The following ARFGAP2 variants were observed in gnomAD, a reference collection of about 807,000 sequenced individuals.
The protein encoded by ARFGAP2 is ARF GTPase activating protein 2, also known as ADP-ribosylation factor GTPase-activating protein 2.
Under a neutral mutation model 71.9 loss-of-function variants are expected in ARFGAP2, and 45 were observed. The ratio of observed to expected loss-of-function variants is 0.63; its 90% CI spans 0.49 to 0.80. The LOEUF (loss-of-function observed/expected upper bound fraction) is 0.80. Ranked by LOEUF, ARFGAP2 falls within the 30% of genes least tolerant of loss-of-function variation. ARFGAP2 has a pLI of 0.00. For missense variants in ARFGAP2, 633 were observed against 673.9 expected, an observed-to-expected ratio of 0.94 and a Z score of 0.67; for synonymous variants, 248 against 249.2, an observed-to-expected ratio of 1.00 and a Z score of 0.05.
intron 6 of ARFGAP2, 131 bp downstream of exon 6, chr11:47,173,628 A>G (rs1952680826): frequency 1.4e-6 from 2 of 1,415,880 alleles, no homozygotes; most frequent in Non-Finnish European, 1.9e-6. Flanking sequence ...TCCAAGGATT[A>G]AAATGAATCC....
chr11:47,173,464 T>C lies in ARFGAP2; in HGVS notation c.581A>G (p.Asn194Ser). 6.4e-7 allele frequency: 1 copy of C among 1,559,078 alleles called. No individual in the cohort carries two copies. The highest frequency in any genetic ancestry group is 8.7e-7 in the Non-Finnish European group (1 of 1,151,420). ...GGGTGAGGTGCCAAGCAGGTCTGTG[T>C]TGGGGCCATGCTCCGGCTCTGTGGA... ...SGLAQPEHGP[N>S]TDLLGTSPKA... The change falls in exon 7 of 16, where the codon AAC becomes AGC. Residue 194 changes from asparagine (N) to serine (S), a missense_variant. Physicochemically the swap from Asn to Ser is conservative, Grantham distance 46. Coordinates refer to ENST00000524782, the MANE Select transcript of ARFGAP2 (RefSeq NM_032389.6).
In ARFGAP2 at chr11:47,167,976, C is replaced by A. The variant is rs1216656599; in HGVS notation, c.1138G>T (p.Gly380Cys). The A allele has an allele frequency of 5.0e-6, 8 of 1,614,100 alleles. No homozygotes were observed. The East Asian group carries it at 1.8e-4, about 36-fold the overall frequency. Residue 380 changes from glycine to cysteine, a missense_variant, in exon 12 of 16, where the codon GGT becomes TGT. By Grantham distance (159) the Gly-to-Cys change is radical. Coordinates refer to ENST00000524782, the MANE Select transcript of ARFGAP2 (RefSeq NM_032389.6). ...GSRWDTDAAW[G>C]MDRVEEKEPE... ...TCCTTCTCCTCTACCCTGTCCATAC[C>A]CCAGGCAGCATCTGTATCCCAGCGG...
At chr11:47,168,292 G>GGCTA (rs1338471069) in intron 10 of ARFGAP2, 41 bp from the exon 11 acceptor site, 1 of 1,611,750 alleles carries the variant, frequency 6.2e-7, no homozygotes. Context: ...CCAAAGGATA[G>GGCTA]GCATCAGCAT....
In ARFGAP2 at chr11:47,165,405, G is replaced by A; in HGVS notation, c.*77C>T. ...AACAAATCCTCCCCAGCTTCCACAA[G>A]GCAAAGCATCCCCAGCCTGGGAACT... On this transcript the variant is annotated 3_prime_UTR_variant, in exon 16 of 16. Coordinates refer to ENST00000524782, the MANE Select transcript of ARFGAP2 (RefSeq NM_032389.6). 7 of 1,518,938 alleles carry A rather than the reference G, an allele frequency of 4.6e-6. No individual in the cohort carries two copies. Among genetic ancestry groups the A allele is most frequent in the South Asian group, 1.3e-5 (1 of 78,144 alleles). The allele number at this position is 1,518,938 out of a possible 1,614,324, so 94.1% of individuals were successfully genotyped here.
chr11:47,166,451 C>T, intron 14 of ARFGAP2, 55 bp downstream of exon 14: 2 of 1,610,114 alleles, frequency 1.2e-6, no homozygotes, highest in Non-Finnish European at 1.7e-6. Flanking sequence ...CAGCAGGGCC[C>T]TCCCGCCCTG....
At chr11:47,167,791 C>T in intron 12 of ARFGAP2, 118 bp downstream of exon 12, 4 of 1,299,384 alleles carry the variant, frequency 3.1e-6, no homozygotes, top group Non-Finnish European at 4.1e-6. Flanking sequence ...TTAAACAACA[C>T]AGAGAACATT....
intron 8 of ARFGAP2, 120 bp downstream of exon 8, chr11:47,172,161 G>A (rs559482020): frequency 4.4e-5 from 46 of 1,033,956 alleles, no homozygotes; most frequent in Non-Finnish European, 6.1e-5. Flanking sequence ...GGCGAGGTTC[G>A]GAGAAACACA....
chr11:47,173,670 C>T lies in ARFGAP2; in HGVS notation c.562+89G>A, dbSNP rs1952682145. Reference sequence around the variant, plus strand: ...ACCCAAAGATACAGGAGGACCCCTGCTCCTATTGTCATGGCCAGATGTCCC... The same window carrying T: ...ACCCAAAGATACAGGAGGACCCCTGTTCCTATTGTCATGGCCAGATGTCCC... On this transcript the variant is annotated intron_variant, in intron 6 of 15. Coordinates refer to ENST00000524782, the MANE Select transcript of ARFGAP2 (RefSeq NM_032389.6). 2.7e-6 allele frequency: 4 copies of T among 1,487,072 alleles called. No individual in the cohort carries two copies. In the South Asian group the frequency reaches 5.0e-5, roughly 19 times the overall value. The allele number at this position is 1,487,072 out of a possible 1,614,324, so 92.1% of individuals were successfully genotyped here. A position where few individuals can be genotyped will look rare whatever the true frequency, so the allele number is the denominator to read the frequency against.
chr11:47,168,420 T>C (rs1952474887), intron 10 of ARFGAP2, 169 bp from the exon 11 acceptor site: 2 of 787,994 alleles, frequency 2.5e-6, no homozygotes, highest in Non-Finnish European at 3.9e-6. Context: ...GCTAGCTGTG[T>C]GTGGTGACCT....
chr11:47,171,405 A>C (rs770562056), intron 10 of ARFGAP2, 21 bp downstream of exon 10: 4 of 1,612,832 alleles, frequency 2.5e-6, no homozygotes, highest in Non-Finnish European at 3.4e-6. Context: ...TTTCCCTGCC[A>C]CACCCGGAGC....
intron 13 of ARFGAP2, 25 bp from the exon 14 acceptor site, chr11:47,166,624 T>C (rs1196370830): frequency 1.9e-6 from 3 of 1,608,820 alleles, no homozygotes; most frequent in Admixed American, 1.7e-5. Flanking sequence ...AGGCCAGGCC[T>C]GGGGATCTTG....
In ARFGAP2 at chr11:47,173,797, TG is replaced by T; in HGVS notation, c.523del (p.Gln175SerfsTer34). On this transcript the variant is annotated frameshift_variant, in exon 6 of 16. Transcript: ENST00000524782. LOFTEE classifies it high-confidence loss of function. ...DAPATEPSGTQQPAPSTESSG... is the reference protein window; with the variant it reads ...DAPATEPSGTXQPAPSTESSG... Reference sequence around the variant, plus strand: ...GCTCTCTGTAGACGGGGCTGGCTGCTGGGTCCCTGAAGGCTCAGTGGCTGGC... The same window carrying T: ...GCTCTCTGTAGACGGGGCTGGCTGCTGGTCCCTGAAGGCTCAGTGGCTGGC... The T allele has an allele frequency of 6.2e-7, 1 of 1,606,374 alleles. No homozygotes were observed. The highest frequency in any genetic ancestry group is 8.5e-7 in the Non-Finnish European group (1 of 1,176,630).
intron 12 of ARFGAP2, among the ~76,000 whole-genome samples, chr11:47,167,576 C>A (rs543052985): frequency 6.6e-6 from 1 of 152,216 alleles, no homozygotes; most frequent in East Asian, 1.9e-4. Context: ...GAGAAATGGA[C>A]CCCAAGCAAA....
Position 47,176,763 on chromosome 11 carries a change from G to T in ARFGAP2, c.72+19C>A, listed in dbSNP as rs372423605. The T allele has an allele frequency of 6.2e-7, 1 of 1,613,764 alleles. No individual in the cohort carries two copies. Among genetic ancestry groups the T allele is most frequent in the Non-Finnish European group, 8.5e-7 (1 of 1,179,882 alleles). On this transcript the variant is annotated intron_variant, in intron 1 of 15. Transcript: ENST00000524782. Reference sequence around the variant, plus strand: ...GCCCCAGCGGGACGAGAGACTCCGCGCGCCCCCTGCTCACGCACCTTGTTG... The same window carrying T: ...GCCCCAGCGGGACGAGAGACTCCGCTCGCCCCCTGCTCACGCACCTTGTTG...
intron 10 of ARFGAP2, 135 bp from the exon 11 acceptor site, chr11:47,168,386 G>T: frequency 1.6e-6 from 2 of 1,213,320 alleles, no homozygotes; most frequent in Admixed American, 2.4e-5. Context: ...CCAAGCACAG[G>T]GCTGGGCCAG....
Position 47,165,513 on chromosome 11 carries a change from G to A in ARFGAP2, c.1546-11C>T. 6.5e-7 allele frequency: 1 copy of A among 1,530,228 alleles called. No individual in the cohort carries two copies. Among genetic ancestry groups the A allele is most frequent in the Middle Eastern group, 1.8e-4 (1 of 5,694 alleles). The allele number at this position is 1,530,228 out of a possible 1,614,324, so 94.8% of individuals were successfully genotyped here. On this transcript the variant is annotated splice_polypyrimidine_tract_variant and intron_variant, in intron 15 of 15. Transcript: ENST00000524782. ...GGAACCGTAGCGATCCTGGGGGCGA[G>A]GGGGGAGAAAAAAAAAAAAAAAGTC...
At chr11:47,174,035 C>A (rs1164321432) in intron 5 of ARFGAP2, 195 bp from the exon 6 acceptor site, 3 of 1,006,984 alleles carry the variant, frequency 3.0e-6, no homozygotes, top group Non-Finnish European at 4.3e-6. Context: ...CCCACCCCAA[C>A]CCCTTCACTA....
Position 47,167,779 on chromosome 11 carries a change from T to C in ARFGAP2, c.1205+130A>G, listed in dbSNP as rs976320404. ...CATAGCCACATAGTAGTGGCTACCATATTAAACAACACAGAGAACATTCCC... is the reference window on the plus strand; with the variant it reads ...CATAGCCACATAGTAGTGGCTACCACATTAAACAACACAGAGAACATTCCC... On this transcript the variant is annotated intron_variant, in intron 12 of 15. Transcript: ENST00000524782. 8 of 1,210,578 alleles carry C rather than the reference T, an allele frequency of 6.6e-6. No homozygotes were observed. In the Admixed American group the frequency reaches 1.7e-4, roughly 26 times the overall value. 75.0% of individuals were successfully genotyped at this position (1,210,578 alleles called of 1,614,324 possible).
chr11:47,173,135 G>A (rs941282246), intron 7 of ARFGAP2: 42 of 459,816 alleles, frequency 9.1e-5, no homozygotes, highest in South Asian at 7.4e-4. Flanking sequence ...AGGGATAGGT[G>A]TCCAGTCTCA....
Sources: allele counts gnomAD v4.1 joint callset (sites outside exome capture counted in the v4.1 genomes callset), GRCh38; gene constraint gnomAD v4.1.1; transcripts MANE v1.5; gene names NCBI Gene and HGNC (gene_info 2026-07-23, HGNC 2026-07-21).